The following PSG6 variants were observed in gnomAD, a reference collection of about 807,000 sequenced individuals.
PSG6 encodes the protein pregnancy-specific beta-1-glycoprotein 6.
In PSG6, 51 loss-of-function variants were observed where a neutral mutation model predicts 43.3. That is an observed-to-expected ratio of 1.18 (90% CI 0.94 to 1.49). The LOEUF (loss-of-function observed/expected upper bound fraction) is 1.49. Ranked by LOEUF, PSG6 falls within the 40% of genes most tolerant of loss-of-function variation. The pLI, the probability that PSG6 is intolerant of heterozygous loss-of-function variation, is 0.00. For missense variants in PSG6, 770 were observed against 522.2 expected, an observed-to-expected ratio of 1.47 and a Z score of -4.62; for synonymous variants, 292 against 197.6, an observed-to-expected ratio of 1.48 and a Z score of -4.01.
rs1325817303 is a variant in PSG6, at chr19:42,906,619, T to C, written c.1240+303A>G. ...TGTGTTCGTGACAGCGAGAAGCAAC[T>C]TGATCTTGAGGACTCTCCTTCTTGT... On this transcript the variant is annotated intron_variant, in intron 5 of 5. Coordinates refer to ENST00000187910, the MANE Select transcript of PSG6 (RefSeq NM_001031850.4). The C allele has an allele frequency of 2.3e-5, 31 of 1,365,148 alleles. 1 individual carries two copies. Among genetic ancestry groups the C allele is most frequent in the Non-Finnish European group, 6.8e-6 (7 of 1,034,464 alleles). 84.6% of individuals were successfully genotyped at this position (1,365,148 alleles called of 1,614,324 possible).
At position 42,910,680 on chromosome 19, in the gene PSG6, A is replaced by G. The variant is rs1972204072; in HGVS notation, c.606T>C (p.Tyr202=). 1 of 1,612,312 alleles carries G rather than the reference A, an allele frequency of 6.2e-7. No individual in the cohort carries two copies. The highest frequency in any genetic ancestry group is 8.5e-7 in the Non-Finnish European group (1 of 1,179,238). ...LQLSKTNRTL[Y]LFGVTKYIAG... ...CAATATACTTTGTGACACCAAATAG[A>G]TAGAGGGTCCTGTTGGTTTTGGACA... Residue 202 remains tyrosine (Y), a synonymous_variant, in exon 3 of 6, where the codon TAT becomes TAC. Coordinates refer to ENST00000187910, the MANE Select transcript of PSG6 (RefSeq NM_001031850.4).
chr19:42,916,279 C>A lies in PSG6; in HGVS notation c.273G>T (p.Gly91=). 1 of 1,612,050 alleles carries A rather than the reference C, an allele frequency of 6.2e-7. No homozygotes were observed. The highest frequency in any genetic ancestry group is 8.5e-7 in the Non-Finnish European group (1 of 1,179,070). Residue 91 remains glycine (G), a synonymous_variant, in exon 2 of 6, where the codon GGG becomes GGT. Transcript: ENST00000187910. ...CTGTTTCTCGTCCACTGTAGGCAGG[C>A]CCATATATAATTTGACCGTGTACTA... ...SYVVHGQIIY[G]PAYSGRETVY...
intron 5 of PSG6, among the ~76,000 whole-genome samples, chr19:42,906,262 C>T (rs773176277): frequency 2.6e-5 from 4 of 151,560 alleles, no homozygotes; most frequent in African/African-American, 4.8e-5. Context: ...CAGGAGTCAG[C>T]CCTGAAGCTC....
intron 2 of PSG6, among the ~76,000 whole-genome samples, chr19:42,913,775 G>T (rs751491773): frequency 1.3e-5 from 2 of 151,508 alleles, no homozygotes; most frequent in Non-Finnish European, 2.9e-5. Context: ...ATGCCTAATG[G>T]CTCAGCCAGT....
chr19:42,909,478 G>T (rs555276024), intron 3 of PSG6, among the ~76,000 whole-genome samples: 2 of 151,564 alleles, frequency 1.3e-5, no homozygotes, highest in East Asian at 1.9e-4. Context: ...GGTAGGGGTT[G>T]CATTGAATCT....
rs949936211 is a variant in PSG6 at position 42,917,819 on chromosome 19, C to T, written c.-27G>A. 2 of 1,603,532 alleles carry T rather than the reference C, an allele frequency of 1.2e-6. No homozygotes were observed. Among genetic ancestry groups the T allele is most frequent in the Non-Finnish European group, 1.7e-6 (2 of 1,174,230 alleles). On this transcript the variant is annotated 5_prime_UTR_variant, in exon 1 of 6. Coordinates refer to ENST00000187910, the MANE Select transcript of PSG6 (RefSeq NM_001031850.4). ...GTCTCTGCTGTCTGTGTGTTCTCCC[C>T]TGTGGAGATGAGCCTAGGATCCAGA...
intron 2 of PSG6, among the ~76,000 whole-genome samples, chr19:42,913,879 T>C (rs1047550370): frequency 2.0e-5 from 3 of 151,586 alleles, no homozygotes; most frequent in Non-Finnish European, 4.4e-5. Context: ...ACTCATTTTT[T>C]AGTCCTGTGC....
chr19:42,912,052 T>C (rs923692068), intron 2 of PSG6, among the ~76,000 whole-genome samples: 11 of 151,678 alleles, frequency 7.3e-5, no homozygotes, highest in African/African-American at 2.7e-4. Flanking sequence ...GTTTTGGATT[T>C]CTAATTTTTT....
rs201641732 is a variant in PSG6 at position 42,916,461 on chromosome 19, G to A, written c.91C>T (p.Pro31Ser). ...TASLLNFWNL[P>S]TTAQVIIEAK... Reference sequence around the variant, plus strand: ...TCAATTATTACTTGGGCAGTGGTGGGCAGGTTCCAGAAGTTTAAAAGTGAT... The same window carrying A: ...TCAATTATTACTTGGGCAGTGGTGGACAGGTTCCAGAAGTTTAAAAGTGAT... The change falls in exon 2 of 6, where the codon CCC becomes TCC. Residue 31 changes from proline (P) to serine (S), a missense_variant. Transcript: ENST00000187910. The A allele has an allele frequency of 1.1e-5, 18 of 1,611,504 alleles. No homozygotes were observed. Among genetic ancestry groups the A allele is most frequent in the Middle Eastern group, 1.7e-4 (1 of 6,058 alleles).
At chr19:42,913,838 C>T (rs774564484) in intron 2 of PSG6, among the ~76,000 whole-genome samples, 6 of 151,486 alleles carry the variant, frequency 4.0e-5, no homozygotes, top group East Asian at 1.9e-4. Context: ...CATTTCCCTC[C>T]GCCCGCATGA....
chr19:42,916,041 G>C lies in PSG6; in HGVS notation c.427+84C>G, dbSNP rs752901856. ...CATAATGCAGAGAGTGACACAGGCAGAGTCCAGGCCTGACAATTCTGTGTG... is the reference window on the plus strand; with the variant it reads ...CATAATGCAGAGAGTGACACAGGCACAGTCCAGGCCTGACAATTCTGTGTG... On this transcript the variant is annotated intron_variant, in intron 2 of 5. Coordinates refer to ENST00000187910, the MANE Select transcript of PSG6 (RefSeq NM_001031850.4). 3.5e-4 allele frequency: 554 copies of C among 1,587,980 alleles called. 13 individuals are homozygous for C. The highest frequency in any genetic ancestry group is 4.4e-4 in the Non-Finnish European group (510 of 1,163,790).
At position 42,910,754 on chromosome 19, in the gene PSG6, G is replaced by A. The variant is rs1972207247; in HGVS notation, c.532C>T (p.Leu178=). 1.2e-6 allele frequency: 2 copies of A among 1,612,356 alleles called. No individual in the cohort carries two copies. The highest frequency in any genetic ancestry group is 1.1e-5 in the South Asian group (1 of 90,612). Residue 178 remains leucine (L), a synonymous_variant, in exon 3 of 6, where the codon CTG becomes TTG. Transcript: ENST00000187910. The part of the protein sequence containing the change: ...CDPETPDASY[L]WLLNGQNLPM... Reference sequence around the variant, plus strand: ...AGGTTCTGACCATTCAGCAACCACAGGTAGCTTGCATCCGGAGTCTCAGGA... The same window carrying A: ...AGGTTCTGACCATTCAGCAACCACAAGTAGCTTGCATCCGGAGTCTCAGGA...
intron 2 of PSG6, among the ~76,000 whole-genome samples, chr19:42,911,191 C>A (rs1315341105): frequency 6.6e-6 from 1 of 151,592 alleles, no homozygotes; most frequent in African/African-American, 2.4e-5. Context: ...ACCTTTTGGT[C>A]CTTACTTGGG....
At position 42,908,017 on chromosome 19, in the gene PSG6, A is replaced by G. The variant is rs149247241; in HGVS notation, c.707-163T>C. 9.1e-4 allele frequency: 1,078 copies of G among 1,182,416 alleles called. 19 individuals are homozygous for G. The African/African-American group carries it at 0.015, about 16-fold the overall frequency. 73.2% of individuals were successfully genotyped at this position (1,182,416 alleles called of 1,614,324 possible). A position where few individuals can be genotyped will look rare whatever the true frequency, so the allele number is the denominator to read the frequency against. The stretch of plus-strand genomic sequence containing the variant: ...CAGATGTATGATGATCTAAGGGCTC[A>G]AAGACTGTGAGGCCTCCTGCTCTGT... On this transcript the variant is annotated intron_variant, in intron 3 of 5. Coordinates refer to ENST00000187910, the MANE Select transcript of PSG6 (RefSeq NM_001031850.4).
At chr19:42,915,758 T>G (rs10422668) in intron 2 of PSG6, 3,991 of 380,872 alleles carry the variant, frequency 0.01, 192 homozygotes, top group African/African-American at 0.075. Context: ...AGAGCTGAGG[T>G]TCTCTGAGGG....
chr19:42,916,849 C>T (rs1427580077), intron 1 of PSG6, among the ~76,000 whole-genome samples: 1 of 151,450 alleles, frequency 6.6e-6, no homozygotes, highest in Non-Finnish European at 1.5e-5. Context: ...GCTTCAGAGA[C>T]CCTGGGTCTT....
At position 42,916,356 on chromosome 19, in the gene PSG6, T is replaced by C; in HGVS notation, c.196A>G (p.Ile66Val). 6.2e-7 allele frequency: 1 copy of C among 1,612,160 alleles called. No homozygotes were observed. The highest frequency in any genetic ancestry group is 8.5e-7 in the Non-Finnish European group (1 of 1,179,140). The change falls in exon 2 of 6, where the codon ATC (isoleucine) becomes GTC (valine). Residue 66 changes from isoleucine to valine, a missense_variant. Coordinates refer to ENST00000187910, the MANE Select transcript of PSG6 (RefSeq NM_001031850.4). Reference sequence around the variant, plus strand: ...TCCGTCATTTGCCCTTTGTACCAGATGTAGCCAGTAAGATTCTGGGGCAAA... The same window carrying C: ...TCCGTCATTTGCCCTTTGTACCAGACGTAGCCAGTAAGATTCTGGGGCAAA... Reference protein sequence around the residue: ...HNLPQNLTGYIWYKGQMTDLY... With the variant: ...HNLPQNLTGYVWYKGQMTDLY...
At chr19:42,915,998 C>T (rs1309199456) in intron 2 of PSG6, 127 bp downstream of exon 2, 1 of 1,512,424 alleles carries the variant, frequency 6.6e-7, no homozygotes, top group Non-Finnish European at 9.0e-7. Flanking sequence ...CACTAAATGC[C>T]CAAACCCCAG....
chr19:42,903,571 G>T, intron 5 of PSG6: 1 of 1,407,898 alleles, frequency 7.1e-7, no homozygotes, highest in South Asian at 1.6e-5. Flanking sequence ...GAAAAAAAGA[G>T]AAAAGATAAA....
Sources: gnomAD v4.1 joint callset for allele counts (sites outside exome capture counted in the v4.1 genomes callset) on GRCh38, gnomAD v4.1.1 for gene constraint, MANE v1.5 for transcripts, NCBI Gene and HGNC (gene_info 2026-07-23, HGNC 2026-07-21) for gene names.